The following HPR variants were observed in gnomAD, a reference collection of about 807,000 sequenced individuals.
HPR encodes Haptoglobin-related locus.
A neutral mutation model predicts 18.5 loss-of-function variants in HPR; 17 were observed. That is an observed-to-expected ratio of 0.92 (90% CI 0.63 to 1.38). The LOEUF (loss-of-function observed/expected upper bound fraction) is 1.38. Among genes scored for constraint, HPR ranks in the 40% most tolerant of loss-of-function variants. HPR has a pLI of 0.00. For synonymous variants in HPR, 176 were observed against 165.0 expected, an observed-to-expected ratio of 1.07 and a Z score of -0.51; for missense variants, 457 against 432.4, an observed-to-expected ratio of 1.06 and a Z score of -0.51.
At position 72,073,973 on chromosome 16, in the gene HPR, T is replaced by C. The variant is rs752209088; in HGVS notation, c.87T>C (p.Ile29=). The part of the protein sequence containing the change: ...ALYSGNDVTD[I]SDDRFPKPPE... ...ACTCAGGCAATGATGTCACGGATAT[T>C]TCAGGTCAGTCTTTGAGTTGGGTAG... Residue 29 remains isoleucine (I), a synonymous_variant, in exon 2 of 5, where the codon ATT becomes ATC. Transcript: ENST00000540303. The C allele has an allele frequency of 6.2e-7, 1 of 1,614,050 alleles. No individual in the cohort carries two copies. Among genetic ancestry groups the C allele is most frequent in the South Asian group, 1.1e-5 (1 of 91,078 alleles).
chr16:72,073,806 G>A (rs2144073353), intron 1 of HPR, 86 bp from the exon 2 acceptor site: 4 of 1,605,394 alleles, frequency 2.5e-6, no homozygotes, highest in African/African-American at 1.3e-5. Flanking sequence ...GTGTGTGTGT[G>A]TGTACATGCC....
chr16:72,072,366 C>A (rs1464760210), intron 1 of HPR, among the ~76,000 whole-genome samples: 3 of 152,146 alleles, frequency 2.0e-5, no homozygotes, highest in Non-Finnish European at 2.9e-5. Context: ...AATTAAGACC[C>A]ACCAGTCAAA....
At chr16:72,065,982 T>C (rs529152863) in intron 1 of HPR, among the ~76,000 whole-genome samples, 5 of 152,278 alleles carry the variant, frequency 3.3e-5, no homozygotes, top group Admixed American at 3.3e-4. Flanking sequence ...TCCTCCCGCT[T>C]ACAACCCTGA....
intron 4 of HPR, among the ~76,000 whole-genome samples, chr16:72,075,937 A>G (rs1249184595): frequency 6.6e-6 from 1 of 151,524 alleles, no homozygotes; most frequent in Non-Finnish European, 1.5e-5. Context: ...AGCCTCCCAA[A>G]GTGCTGGGAT....
intron 1 of HPR, among the ~76,000 whole-genome samples, chr16:72,070,043 T>C (rs893446056): frequency 2.0e-5 from 3 of 152,198 alleles, no homozygotes; most frequent in Admixed American, 2.0e-4. Context: ...GGAAAAACCA[T>C]ATCCCTTGGC....
At chr16:72,073,626 C>G in intron 1 of HPR, 4 of 1,238,590 alleles carry the variant, frequency 3.2e-6, no homozygotes, top group Non-Finnish European at 4.2e-6. Flanking sequence ...CTGCAGAATT[C>G]CCAGCAAGAC....
In HPR at chr16:72,066,064, A is replaced by G. The variant is rs539663868; in HGVS notation, c.5+2804A>G. On this transcript the variant is annotated intron_variant, in intron 1 of 4. Transcript: ENST00000540303. ...TATCCTTCCTTAAAAGGGCTCCAACATGAAATAGAGCAGTGTAAAAAGGAC... is the reference window on the plus strand; with the variant it reads ...TATCCTTCCTTAAAAGGGCTCCAACGTGAAATAGAGCAGTGTAAAAAGGAC... Among the ~76,000 whole-genome samples, 3 of 152,282 alleles carry G rather than the reference A, an allele frequency of 2.0e-5. No individual in the cohort carries two copies. The East Asian group carries it at 5.8e-4, about 30-fold the overall frequency.
intron 1 of HPR, among the ~76,000 whole-genome samples, chr16:72,064,540 T>A (rs1283968758): frequency 6.6e-6 from 1 of 152,198 alleles, no homozygotes; most frequent in Non-Finnish European, 1.5e-5. Context: ...CTTTGCAAGT[T>A]AGCCAACCGG....
chr16:72,076,016 T>C (rs2041718091), intron 4 of HPR, among the ~76,000 whole-genome samples: 1 of 152,128 alleles, frequency 6.6e-6, no homozygotes, highest in African/African-American at 2.4e-5. Flanking sequence ...TGAAAATTCC[T>C]TTGTTGAGAT....
chr16:72,074,859 C>A lies in HPR; in HGVS notation c.194-286C>A, dbSNP rs2041700757. 7 of 651,096 alleles carry A rather than the reference C, an allele frequency of 1.1e-5. No homozygotes were observed. The South Asian group carries it at 1.3e-4, about 12-fold the overall frequency. 40.3% of individuals were successfully genotyped at this position (651,096 alleles called of 1,614,324 possible). A position where few individuals can be genotyped will look rare whatever the true frequency, so the allele number is the denominator to read the frequency against. On this transcript the variant is annotated intron_variant, in intron 3 of 4. Transcript: ENST00000540303. ...AGTATCTTGCCCAAATTCAGGTGGC[C>A]TGTAAGAGGCAGAGTCAGGATTTGA...
intron 1 of HPR, among the ~76,000 whole-genome samples, chr16:72,064,263 A>G (rs1181511092): frequency 1.3e-5 from 2 of 152,188 alleles, no homozygotes; most frequent in African/African-American, 4.8e-5. Context: ...AAGTGTTTAA[A>G]ATTATTGTTA....
rs1309383857 is a variant in HPR at position 72,074,426 on chromosome 16, C to T, written c.193+41C>T. On this transcript the variant is annotated intron_variant, in intron 3 of 4. Coordinates refer to ENST00000540303, the MANE Select transcript of HPR (RefSeq NM_020995.4). ...CTATCTCTGTGCTCTACCTACAACC[C>T]CTGCTCTGACATTTCCATGATGGGT... The T allele has an allele frequency of 5.4e-6, 8 of 1,483,638 alleles. No individual in the cohort carries two copies. In the East Asian group the frequency reaches 1.8e-4, roughly 34 times the overall value. The allele number at this position is 1,483,638 out of a possible 1,614,324, so 91.9% of individuals were successfully genotyped here.
chr16:72,076,760 G>GTATTGGT lies in HPR; in HGVS notation c.726_727insTATTGGT (p.Leu243TyrfsTer7). 6.2e-7 allele frequency: 1 copy of GTATTGGT among 1,614,222 alleles called. No individual in the cohort carries two copies. Among genetic ancestry groups the GTATTGGT allele is most frequent in the East Asian group, 2.2e-5 (1 of 44,892 alleles). The stretch of plus-strand genomic sequence containing the variant: ...TTACTGACCATCTGAAGTATGTCAT[G>GTATTGGT]CTGCCTGTGGCTGACCAATACGATT... On this transcript the variant is annotated frameshift_variant, in exon 5 of 5. Coordinates refer to ENST00000540303, the MANE Select transcript of HPR (RefSeq NM_020995.4). LOFTEE classifies it high-confidence loss of function.
chr16:72,069,577 T>A (rs1393476288), intron 1 of HPR, among the ~76,000 whole-genome samples: 2 of 152,110 alleles, frequency 1.3e-5, no homozygotes, highest in Non-Finnish European at 2.9e-5. Flanking sequence ...GCCCGTTATG[T>A]GGAAGATCTA....
chr16:72,073,476 A>G lies in HPR; in HGVS notation c.6-416A>G, dbSNP rs139445047. Reference sequence around the variant, plus strand: ...CCCATCTTTGAGTTATCTACATTTTATTAGAAGTATCTTTGGGGTGACTGA... The same window carrying G: ...CCCATCTTTGAGTTATCTACATTTTGTTAGAAGTATCTTTGGGGTGACTGA... On this transcript the variant is annotated intron_variant, in intron 1 of 4. Coordinates refer to ENST00000540303, the MANE Select transcript of HPR (RefSeq NM_020995.4). Among the ~76,000 whole-genome samples, 46 of 152,260 alleles carry G rather than the reference A, an allele frequency of 3.0e-4. 1 individual carries two copies. In the East Asian group the frequency reaches 8.5e-3, roughly 28 times the overall value.
intron 1 of HPR, among the ~76,000 whole-genome samples, chr16:72,065,663 G>C (rs896477064): frequency 2.0e-5 from 3 of 152,278 alleles, no homozygotes; most frequent in African/African-American, 7.2e-5. Flanking sequence ...TCGAATGAGG[G>C]TGTAATGAGT....
chr16:72,068,429 A>C (rs561563672), intron 1 of HPR, among the ~76,000 whole-genome samples: 4 of 152,178 alleles, frequency 2.6e-5, no homozygotes, highest in Non-Finnish European at 4.4e-5. Context: ...CACATGCCCT[A>C]AACAGTAAAC....
chr16:72,073,698 T>A (rs1274759005), intron 1 of HPR, 194 bp from the exon 2 acceptor site: 1 of 1,484,534 alleles, frequency 6.7e-7, no homozygotes, highest in East Asian at 2.7e-5. Context: ...GGGCGGAGGG[T>A]GGGGGCAACT....
intron 4 of HPR, 63 bp from the exon 5 acceptor site, chr16:72,076,240 C>G (rs1362272707): frequency 2.5e-6 from 4 of 1,594,860 alleles, no homozygotes; most frequent in Non-Finnish European, 2.6e-6. Context: ...TGCTTTCACC[C>G]CTTTCTCAGA....
Sources: gnomAD v4.1 joint callset for allele counts (sites outside exome capture counted in the v4.1 genomes callset) on GRCh38, gnomAD v4.1.1 for gene constraint, MANE v1.5 for transcripts, NCBI Gene and HGNC (gene_info 2026-07-23, HGNC 2026-07-21) for gene names.